Variants in TSPAN5 observed in about 807,000 individuals in gnomAD.
TSPAN5 encodes the protein tetraspanin-5.
TSPAN5 carries 10 observed loss-of-function variants against 37.1 expected under a neutral mutation model. The ratio of observed to expected loss-of-function variants is 0.27; its 90% CI spans 0.17 to 0.46. The LOEUF (loss-of-function observed/expected upper bound fraction) is 0.46. Ranked by LOEUF, TSPAN5 falls within the 20% of genes least tolerant of loss-of-function variation. TSPAN5 has a pLI of 1.00. For synonymous variants in TSPAN5, 110 were observed against 118.9 expected, an observed-to-expected ratio of 0.93 and a Z score of 0.48; for missense variants, 195 against 326.6, an observed-to-expected ratio of 0.60 and a Z score of 3.11.
At chr4:98,561,113 G>GAGAAGTGCCTC (rs940004532) in intron 1 of TSPAN5, among the ~76,000 whole-genome samples, 3 of 152,214 alleles carry the variant, frequency 2.0e-5, no homozygotes, top group African/African-American at 4.8e-5. Context: ...TGGACTGTGA[G>GAGAAGTGCCTC]AGAAGTGGTA....
intron 1 of TSPAN5, chr4:98,509,826 C>T (rs1428047584): frequency 6.6e-6 from 1 of 152,224 alleles, no homozygotes; most frequent in Non-Finnish European, 1.5e-5. Flanking sequence ...AGAACGACCA[C>T]TGACAAGTGA....
chr4:98,507,566 A>G (rs1753506229), intron 2 of TSPAN5, 112 bp downstream of exon 2: 1 of 700,362 alleles, frequency 1.4e-6, no homozygotes, highest in African/African-American at 1.8e-5. Flanking sequence ...TTTTCTTGTT[A>G]AAGAGCCATG....
At chr4:98,516,933 C>T (rs1381283110) in intron 1 of TSPAN5, among the ~76,000 whole-genome samples, 1 of 152,186 alleles carries the variant, frequency 6.6e-6, no homozygotes, top group African/African-American at 2.4e-5. Flanking sequence ...TGCCAGAAAC[C>T]AGGGCCATGC....
At chr4:98,613,692 G>GA (rs1164399995) in intron 1 of TSPAN5, among the ~76,000 whole-genome samples, 1 of 144,418 alleles carries the variant, frequency 6.9e-6, no homozygotes, top group Non-Finnish European at 1.5e-5. Context: ...ATACAACCAA[G>GA]AAAAAAAAAA....
chr4:98,639,610 T>C (rs1311783295), intron 1 of TSPAN5, among the ~76,000 whole-genome samples: 1 of 151,630 alleles, frequency 6.6e-6, no homozygotes, highest in Non-Finnish European at 1.5e-5. Flanking sequence ...GCATAAGCCA[T>C]CTCACCTGGT....
intron 2 of TSPAN5, among the ~76,000 whole-genome samples, chr4:98,496,971 G>GT (rs1753225856): frequency 6.6e-6 from 1 of 152,050 alleles, no homozygotes; most frequent in Admixed American, 6.6e-5. Context: ...CCTTTGGGAG[G>GT]TAATTAGGTT....
intron 2 of TSPAN5, among the ~76,000 whole-genome samples, chr4:98,498,038 G>A (rs145316422): frequency 4.0e-3 from 602 of 152,328 alleles, no homozygotes; most frequent in Non-Finnish European, 5.7e-3. Flanking sequence ...TGCTGTGGAA[G>A]CAGCTAGCAG....
At chr4:98,519,540 T>A (rs1436202674) in intron 1 of TSPAN5, among the ~76,000 whole-genome samples, 1 of 151,684 alleles carries the variant, frequency 6.6e-6, no homozygotes, top group African/African-American at 2.4e-5. Flanking sequence ...AGGAAAAAAA[T>A]GAATGGATGA....
intron 1 of TSPAN5, among the ~76,000 whole-genome samples, chr4:98,562,515 G>A (rs1754901412): frequency 6.6e-6 from 1 of 152,124 alleles, no homozygotes; most frequent in Admixed American, 6.5e-5. Context: ...ACAAAAATTA[G>A]TTGGGCGTGG....
At chr4:98,514,437 A>T (rs1255448211) in intron 1 of TSPAN5, among the ~76,000 whole-genome samples, 1 of 152,234 alleles carries the variant, frequency 6.6e-6, no homozygotes, top group African/African-American at 2.4e-5. Flanking sequence ...AATTCTGGCC[A>T]TGTCAAAGGA....
chr4:98,591,072 TTTTTG>T (rs1182367143), intron 1 of TSPAN5, among the ~76,000 whole-genome samples: 22 of 149,350 alleles, frequency 1.5e-4, no homozygotes, highest in African/African-American at 5.1e-4. Context: ...TTTTTTTGTT[TTTTTG>T]TTTTTTTTTT....
chr4:98,598,633 T>G (rs1376297715), intron 1 of TSPAN5, among the ~76,000 whole-genome samples: 6 of 152,038 alleles, frequency 3.9e-5, no homozygotes, highest in African/African-American at 1.4e-4. Flanking sequence ...CCCAGCTAAT[T>G]TTTGTTTTTG....
chr4:98,486,686 T>C (rs949254457), intron 3 of TSPAN5, 52 bp downstream of exon 3: 9 of 1,605,176 alleles, frequency 5.6e-6, no homozygotes, highest in African/African-American at 1.3e-5. Flanking sequence ...GACCTCCTGA[T>C]GGAAGGTAAA....
intron 1 of TSPAN5, 109 bp downstream of exon 1, chr4:98,658,037 G>A: frequency 1.0e-6 from 1 of 977,994 alleles, no homozygotes; most frequent in Non-Finnish European, 1.7e-6. Flanking sequence ...ATGCTGCTCC[G>A]GCAAGCGCCT....
chr4:98,608,002 C>T (rs767305020), intron 1 of TSPAN5, among the ~76,000 whole-genome samples: 11 of 152,102 alleles, frequency 7.2e-5, no homozygotes, highest in East Asian at 1.9e-4. Flanking sequence ...TGAGCCACTG[C>T]GCCGGGCCAT....
intron 1 of TSPAN5, among the ~76,000 whole-genome samples, chr4:98,552,088 C>G (rs1302200080): frequency 6.6e-6 from 1 of 151,818 alleles, no homozygotes; most frequent in African/African-American, 2.4e-5. Flanking sequence ...TTTTGATCTT[C>G]TCTCTTCTTT....
At chr4:98,623,320 A>T (rs545354732) in intron 1 of TSPAN5, among the ~76,000 whole-genome samples, 1 of 152,226 alleles carries the variant, frequency 6.6e-6, no homozygotes. Flanking sequence ...TGGAGAAGAC[A>T]GTTGGATGCC....
At chr4:98,524,431 A>G (rs1018858630) in intron 1 of TSPAN5, among the ~76,000 whole-genome samples, 9 of 152,200 alleles carry the variant, frequency 5.9e-5, no homozygotes, top group African/African-American at 1.7e-4. Flanking sequence ...GTTTTGTGCA[A>G]TATGATTAGT....
intron 1 of TSPAN5, among the ~76,000 whole-genome samples, chr4:98,607,761 A>G (rs913678843): frequency 4.7e-5 from 7 of 149,778 alleles, no homozygotes; most frequent in African/African-American, 7.4e-5. Context: ...CCCAGGCTGG[A>G]GTGCAATGGC....
Sources: gnomAD v4.1 joint callset for allele counts (sites outside exome capture counted in the v4.1 genomes callset) on GRCh38, gnomAD v4.1.1 for gene constraint, MANE v1.5 for transcripts, NCBI Gene and HGNC (gene_info 2026-07-23, HGNC 2026-07-21) for gene names.